The following CHN2 variants were observed in gnomAD, a reference collection of about 807,000 sequenced individuals.
The protein encoded by CHN2 is beta-chimaerin.
In CHN2, 35 loss-of-function variants were observed where a neutral mutation model predicts 56.3. The ratio of observed to expected loss-of-function variants is 0.62; its 90% CI spans 0.47 to 0.82. The LOEUF is 0.82. Among genes scored for constraint, CHN2 ranks in the 40% least tolerant of loss-of-function variants. The pLI is 0.00. For synonymous variants in CHN2, 210 were observed against 212.8 expected (o/e 0.99, Z 0.12); for missense variants, 491 against 580.5 (o/e 0.85, Z 1.58).
rs1791700827 is a variant in CHN2 at position 29,513,296 on chromosome 7, C to G, written c.*561C>G. On this transcript the variant is annotated 3_prime_UTR_variant, in exon 13 of 13. Coordinates refer to ENST00000222792, the MANE Select transcript of CHN2 (RefSeq NM_004067.4). ...AAGCTGACCACAAATGCAGTATTAT[C>G]TTGACATACCTCTGTCCTCCTCAGT... 1 of 153,036 alleles carries G rather than the reference C, an allele frequency of 6.5e-6. No homozygotes were observed. Among genetic ancestry groups the G allele is most frequent in the Non-Finnish European group, 1.5e-5 (1 of 68,340 alleles). 9.5% of individuals were successfully genotyped at this position (153,036 alleles called of 1,614,324 possible).
chr7:29,400,109 G>A lies in CHN2; in HGVS notation c.291-434G>A, dbSNP rs949143903. 4 of 193,090 alleles carry A rather than the reference G, an allele frequency of 2.1e-5. No individual in the cohort carries two copies. The Admixed American group carries it at 2.2e-4, about 11-fold the overall frequency. The allele number at this position is 193,090 out of a possible 1,614,324, so 12.0% of individuals were successfully genotyped here. On this transcript the variant is annotated intron_variant, in intron 5 of 12. Transcript: ENST00000222792. ...ACCAGGACAGGGCATCCCTTGCAGAGGTAATTGCCAGGTATAGAGGAGAGC... is the reference window on the plus strand; with the variant it reads ...ACCAGGACAGGGCATCCCTTGCAGAAGTAATTGCCAGGTATAGAGGAGAGC...
At chr7:29,408,849 C>T (rs1802906266) in intron 6 of CHN2, among the ~76,000 whole-genome samples, 1 of 152,098 alleles carries the variant, frequency 6.6e-6, no homozygotes, top group South Asian at 2.1e-4. Flanking sequence ...TATGATGGGC[C>T]AAACGCCAAA....
intron 2 of CHN2, among the ~76,000 whole-genome samples, chr7:29,166,327 A>G (rs777745372): frequency 5.9e-5 from 9 of 152,150 alleles, no homozygotes; most frequent in Admixed American, 2.0e-4. Flanking sequence ...ACTGCGCCCA[A>G]CATGGATAGC....
At chr7:29,356,276 A>G (rs1233476387) in intron 2 of CHN2, among the ~76,000 whole-genome samples, 1 of 152,216 alleles carries the variant, frequency 6.6e-6, no homozygotes, top group Non-Finnish European at 1.5e-5. Flanking sequence ...ACACACACAT[A>G]AATACACATA....
chr7:29,150,706 C>T (rs1305717571), intron 2 of CHN2, among the ~76,000 whole-genome samples: 3 of 152,210 alleles, frequency 2.0e-5, no homozygotes, highest in Non-Finnish European at 4.4e-5. Context: ...TCATGCCCCT[C>T]TTGGAAGTGT....
At chr7:29,461,189 C>G (rs1785140454) in intron 6 of CHN2, among the ~76,000 whole-genome samples, 1 of 152,166 alleles carries the variant, frequency 6.6e-6, no homozygotes, top group Non-Finnish European at 1.5e-5. Context: ...ACTCATTTCT[C>G]TATTCATTTA....
chr7:29,476,141 G>C (rs1023929413), intron 6 of CHN2, among the ~76,000 whole-genome samples: 6 of 152,092 alleles, frequency 3.9e-5, no homozygotes, highest in Non-Finnish European at 8.8e-5. Context: ...TGTGGCCATG[G>C]GCAAGTCACT....
chr7:29,225,647 A>G (rs542097003), intron 1 of CHN2, among the ~76,000 whole-genome samples: 1 of 152,308 alleles, frequency 6.6e-6, no homozygotes, highest in Admixed American at 6.5e-5. Context: ...CAGGATATGG[A>G]AAACCTAATC....
intron 1 of CHN2, among the ~76,000 whole-genome samples, chr7:29,248,471 G>A (rs112983775): frequency 0.019 from 2,870 of 152,224 alleles, 45 homozygotes; most frequent in Non-Finnish European, 0.031. Context: ...CGTCTCACCC[G>A]GATGGCCATG....
At chr7:29,302,232 G>A (rs1225281073) in intron 1 of CHN2, among the ~76,000 whole-genome samples, 1 of 151,986 alleles carries the variant, frequency 6.6e-6, no homozygotes, top group Non-Finnish European at 1.5e-5. Context: ...CGCTGCTGCT[G>A]CAGCTACTTC....
chr7:29,267,220 G>A (rs1314196070), intron 1 of CHN2, among the ~76,000 whole-genome samples: 4 of 151,356 alleles, frequency 2.6e-5, no homozygotes, highest in Non-Finnish European at 5.9e-5. Flanking sequence ...TGTACATTAG[G>A]CACTAAGTGC....
At chr7:29,299,760 A>G (rs973940890) in intron 1 of CHN2, among the ~76,000 whole-genome samples, 2 of 152,196 alleles carry the variant, frequency 1.3e-5, no homozygotes, top group Non-Finnish European at 2.9e-5. Flanking sequence ...ATTAAGTAGA[A>G]GGCATGGAAT....
Position 29,194,785 on chromosome 7 carries a change from G to C in CHN2, c.-157G>C, listed in dbSNP as rs1463883800. On this transcript the variant is annotated 5_prime_UTR_variant, in exon 1 of 13. Coordinates refer to ENST00000222792, the MANE Select transcript of CHN2 (RefSeq NM_004067.4). The stretch of plus-strand genomic sequence containing the variant: ...GGCAGCGCGTCATCTGGTGGAGCAG[G>C]AAGTGCAGGCAGAGTCCGGAGGCTG... 1.9e-6 allele frequency: 1 copy of C among 519,536 alleles called. No individual in the cohort carries two copies. Among genetic ancestry groups the C allele is most frequent in the Non-Finnish European group, 3.1e-6 (1 of 325,338 alleles). The allele number at this position is 519,536 out of a possible 1,614,324, so 32.2% of individuals were successfully genotyped here.
intron 1 of CHN2, among the ~76,000 whole-genome samples, chr7:29,325,075 G>T (rs1031437597): frequency 2.0e-5 from 3 of 152,074 alleles, no homozygotes; most frequent in African/African-American, 4.8e-5. Context: ...CACCATTTTT[G>T]ACTCCCTTTA....
At chr7:29,495,873 T>A in intron 7 of CHN2, 79 bp from the exon 8 acceptor site, 1 of 1,190,382 alleles carries the variant, frequency 8.4e-7, no homozygotes, top group Non-Finnish European at 1.2e-6. Context: ...CTCCTGCTGA[T>A]CTTCATTGAC....
rs553980834 is a variant in CHN2 at position 29,200,283 on chromosome 7, G to A, written c.49+5293G>A. On this transcript the variant is annotated intron_variant, in intron 1 of 12. Transcript: ENST00000222792. ...TGTCATTTAATTTTCAAAACAAAATGGCTTTTTCCCCCTCCTTCCCTCTCT... is the reference window on the plus strand; with the variant it reads ...TGTCATTTAATTTTCAAAACAAAATAGCTTTTTCCCCCTCCTTCCCTCTCT... Among the ~76,000 whole-genome samples, 8 of 151,788 alleles carry A rather than the reference G, an allele frequency of 5.3e-5. No homozygotes were observed. The East Asian group carries it at 1.6e-3, about 29-fold the overall frequency.
chr7:29,335,291 G>A (rs1195457618), intron 1 of CHN2, among the ~76,000 whole-genome samples: 1 of 152,198 alleles, frequency 6.6e-6, no homozygotes, highest in Non-Finnish European at 1.5e-5. Context: ...AAAAGCCAAA[G>A]GTTGCATATG....
chr7:29,193,925 G>A (rs1209966531), upstream of CHN2: 2 of 152,250 alleles, frequency 1.3e-5, no homozygotes, highest in Non-Finnish European at 2.9e-5. Flanking sequence ...TCCGTGGCTG[G>A]GTTACTTAAG....
intron 1 of CHN2, among the ~76,000 whole-genome samples, chr7:29,306,921 G>A (rs1794213940): frequency 6.6e-6 from 1 of 152,192 alleles, no homozygotes; most frequent in Non-Finnish European, 1.5e-5. Context: ...GAAGCATGTG[G>A]AATAATTAGC....
Sources: allele counts gnomAD v4.1 joint callset (sites outside exome capture counted in the v4.1 genomes callset), GRCh38; gene constraint gnomAD v4.1.1; transcripts MANE v1.5; gene names NCBI Gene and HGNC (gene_info 2026-07-23, HGNC 2026-07-21).